Variants in CDH13 observed in about 807,000 individuals in gnomAD.
CDH13 encodes the protein cadherin 13, also known as cadherin-13.
In CDH13, 24 loss-of-function variants were observed where a neutral mutation model predicts 63.8. The observed-to-expected ratio is 0.38, with a 90% CI of 0.27 to 0.53. The LOEUF (loss-of-function observed/expected upper bound fraction) is 0.53, where lower values mean the gene tolerates loss of function less well. CDH13 is among the 20% of genes least tolerant of loss of function. The pLI, the probability that CDH13 is intolerant of heterozygous loss-of-function variation, is 0.85. For missense variants in CDH13, 1,049 were observed against 903.1 expected (o/e 1.16, Z -2.07); for synonymous variants, 503 against 355.3 (o/e 1.42, Z -4.67).
intron 2 of CDH13, among the ~76,000 whole-genome samples, chr16:82,966,439 G>C (rs1414636571): frequency 6.6e-6 from 1 of 152,142 alleles, no homozygotes; most frequent in Admixed American, 6.5e-5. Context: ...GAGCCAGCGC[G>C]CCTGGCCTAT....
intron 1 of CDH13, among the ~76,000 whole-genome samples, chr16:82,804,320 CATACAA>C (rs2037037663): frequency 6.6e-6 from 1 of 151,386 alleles, no homozygotes; most frequent in Non-Finnish European, 1.5e-5. Flanking sequence ...CACGCACACA[CATACAA>C]ATACAAAGAA....
At chr16:83,437,213 C>G (rs142091386) in intron 6 of CDH13, among the ~76,000 whole-genome samples, 1 of 151,980 alleles carries the variant, frequency 6.6e-6, no homozygotes, top group African/African-American at 2.4e-5. Flanking sequence ...AGCTGTGTGA[C>G]CTTGGGTGAG....
At chr16:83,449,234 G>T (rs998666094) in intron 6 of CDH13, among the ~76,000 whole-genome samples, 1 of 152,186 alleles carries the variant, frequency 6.6e-6, no homozygotes, top group Non-Finnish European at 1.5e-5. Flanking sequence ...AGCCCTTGGA[G>T]ATAGGAGGCC....
At chr16:83,180,142 T>C (rs915372423) in intron 4 of CDH13, among the ~76,000 whole-genome samples, 1 of 150,086 alleles carries the variant, frequency 6.7e-6, no homozygotes, top group Non-Finnish European at 1.5e-5. Context: ...AAGTAAGGTT[T>C]TTTTTGTTGT....
At chr16:83,763,515 A>G (rs1373272801) in intron 11 of CDH13, among the ~76,000 whole-genome samples, 1 of 152,176 alleles carries the variant, frequency 6.6e-6, no homozygotes, top group Admixed American at 6.5e-5. Context: ...GAACTTCAGA[A>G]AGATACCTCA....
intron 7 of CDH13, among the ~76,000 whole-genome samples, chr16:83,509,527 A>C (rs1182518972): frequency 6.6e-6 from 1 of 152,214 alleles, no homozygotes; most frequent in Non-Finnish European, 1.5e-5. Context: ...TTATTTACAA[A>C]AGCAGATGGT....
At chr16:83,398,472 C>T (rs559851088) in intron 6 of CDH13, among the ~76,000 whole-genome samples, 1 of 152,244 alleles carries the variant, frequency 6.6e-6, no homozygotes, top group South Asian at 2.1e-4. Context: ...TAGGACCTTC[C>T]TAGATAATCC....
At chr16:83,626,866 C>T (rs1479074831) in intron 8 of CDH13, among the ~76,000 whole-genome samples, 1 of 152,124 alleles carries the variant, frequency 6.6e-6, no homozygotes, top group Non-Finnish European at 1.5e-5. Flanking sequence ...AATGGTCCTC[C>T]GTGATGCCGC....
At chr16:83,556,017 C>A (rs12149438) in intron 7 of CDH13, among the ~76,000 whole-genome samples, 49,838 of 151,988 alleles carry the variant, frequency 0.33, 8,655 homozygotes, top group East Asian at 0.4. Context: ...CTGTTTCACT[C>A]CCTTTCCCAG....
rs145865689 is a variant in CDH13, at chr16:83,728,342, C to CGTGTGTGTGTGTGTGTGTGTGT, written c.1539-19746_1539-19745insGTGTGTGTGTGTGTGTGTGTGT. ...CTATGTGTGTATGTGTATGTGTGTG[C>CGTGTGTGTGTGTGTGTGTGTGT]GTGTGTGTGTGTGTGTGTGTTGTGA... On this transcript the variant is annotated intron_variant, in intron 10 of 13. Coordinates refer to ENST00000567109, the MANE Select transcript of CDH13 (RefSeq NM_001257.5). Among the ~76,000 whole-genome samples the CGTGTGTGTGTGTGTGTGTGTGT allele has an allele frequency of 3.2e-3, 471 of 149,312 alleles. 2 individuals carry two copies. The highest frequency in any genetic ancestry group is 7.7e-3 in the South Asian group (36 of 4,648).
intron 5 of CDH13, among the ~76,000 whole-genome samples, chr16:83,276,602 G>T (rs545782394): frequency 6.6e-6 from 1 of 152,222 alleles, no homozygotes; most frequent in Non-Finnish European, 1.5e-5. Context: ...CAGGCGTGGT[G>T]GCTCGCGCCT....
chr16:83,294,876 A>G (rs2089553018), intron 5 of CDH13, among the ~76,000 whole-genome samples: 1 of 152,144 alleles, frequency 6.6e-6, no homozygotes, highest in East Asian at 1.9e-4. Context: ...ACTAGGAAAA[A>G]TCATCCTAAA....
chr16:82,886,506 T>G (rs751779080), intron 2 of CDH13, among the ~76,000 whole-genome samples: 1 of 152,244 alleles, frequency 6.6e-6, no homozygotes, highest in Non-Finnish European at 1.5e-5. Flanking sequence ...GCCATGTGTT[T>G]TTTGACCATA....
chr16:82,817,310 G>C (rs1459481672), intron 1 of CDH13, among the ~76,000 whole-genome samples: 1 of 152,088 alleles, frequency 6.6e-6, no homozygotes, highest in Non-Finnish European at 1.5e-5. Flanking sequence ...GCATTAATGA[G>C]CAGCTCTTCT....
intron 2 of CDH13, among the ~76,000 whole-genome samples, chr16:83,015,104 T>C (rs1229969576): frequency 1.3e-5 from 2 of 151,762 alleles, no homozygotes; most frequent in Non-Finnish European, 2.9e-5. Context: ...TTTAAGTGTA[T>C]ATATAGCTTG....
chr16:83,081,859 G>A (rs1023425222), intron 3 of CDH13, among the ~76,000 whole-genome samples: 16 of 152,068 alleles, frequency 1.1e-4, no homozygotes, highest in African/African-American at 3.9e-4. Flanking sequence ...GGAGTACAGT[G>A]GTGTGATCTC....
chr16:82,930,570 A>G (rs1188745448), intron 2 of CDH13, among the ~76,000 whole-genome samples: 3 of 152,074 alleles, frequency 2.0e-5, no homozygotes, highest in African/African-American at 4.8e-5. Context: ...TAGAATTAGG[A>G]ACCTCTTCAG....
chr16:83,471,112 C>A (rs112475829), intron 6 of CDH13, among the ~76,000 whole-genome samples: 5 of 152,026 alleles, frequency 3.3e-5, no homozygotes, highest in Non-Finnish European at 7.3e-5. Flanking sequence ...TTACAAGGAC[C>A]TTGTTGGGCC....
intron 5 of CDH13, among the ~76,000 whole-genome samples, chr16:83,222,353 T>A (rs7185989): frequency 0.98 from 149,821 of 152,324 alleles, 73,739 homozygotes; most frequent in East Asian, 1. Context: ...GCTCTACCCC[T>A]ATTCTAACCC....
Sources: allele counts gnomAD v4.1 joint callset (sites outside exome capture counted in the v4.1 genomes callset), GRCh38; gene constraint gnomAD v4.1.1; transcripts MANE v1.5; gene names NCBI Gene and HGNC (gene_info 2026-07-23, HGNC 2026-07-21).